The following DST variants were observed in gnomAD, a reference collection of about 807,000 sequenced individuals.
DST encodes the protein dystonin, also known as bullous pemphigoid antigen.
Under a neutral mutation model 875.2 loss-of-function variants are expected in DST, and 253 were observed. The observed-to-expected ratio is 0.29, with a 90% CI of 0.26 to 0.32. DST has a LOEUF of 0.32. Among genes scored for constraint, DST ranks in the 10% least tolerant of loss-of-function variants. The pLI is 1.00. For missense variants in DST, 8,287 were observed against 9,111.6 expected, an observed-to-expected ratio of 0.91 and a Z score of 3.68; for synonymous variants, 3,124 against 3,197.1, an observed-to-expected ratio of 0.98 and a Z score of 0.77.
chr6:56,711,799 T>C (rs748958070), intron 5 of DST, among the ~76,000 whole-genome samples: 2 of 151,962 alleles, frequency 1.3e-5, no homozygotes, highest in African/African-American at 2.4e-5. Context: ...CTTTTAAAAA[T>C]AGGAGGAGGT....
intron 2 of DST, among the ~76,000 whole-genome samples, chr6:56,951,726 AAACT>A (rs1822430698): frequency 6.6e-6 from 1 of 152,226 alleles, no homozygotes; most frequent in Non-Finnish European, 1.5e-5. Flanking sequence ...TCAACAAATT[AAACT>A]AATATTGCAT....
intron 10 of DST, among the ~76,000 whole-genome samples, chr6:56,661,879 C>A (rs543281812): frequency 6.6e-6 from 1 of 152,116 alleles, no homozygotes; most frequent in East Asian, 1.9e-4. Flanking sequence ...TGAGTCACCG[C>A]GCCCGGCCGA....
chr6:56,887,447 G>A (rs1785138376), intron 3 of DST, among the ~76,000 whole-genome samples: 2 of 152,130 alleles, frequency 1.3e-5, no homozygotes, highest in African/African-American at 4.8e-5. Context: ...TTAAAATAAA[G>A]GAAGCTATAC....
chr6:56,570,127 T>C (rs1180251590), intron 53 of DST, 115 bp from the exon 54 acceptor site: 2 of 733,888 alleles, frequency 2.7e-6, no homozygotes, highest in Non-Finnish European at 4.1e-6. Flanking sequence ...AACCCTTTGA[T>C]ACAGGAGGAA....
rs969622713 is a variant in DST at position 56,689,037 on chromosome 6, T to C, written c.1047+10616A>G. Among the ~76,000 whole-genome samples, 80 of 152,102 alleles carry C rather than the reference T, an allele frequency of 5.3e-4. 1 individual carries two copies. Among genetic ancestry groups the C allele is most frequent in the Non-Finnish European group, 1.6e-4 (11 of 68,012 alleles). ...GCCTGGCAGACAATTTTGGGTTAGA[T>C]CAAAGCTGTACCACTCATTGTTAAG... On this transcript the variant is annotated intron_variant, in intron 9 of 103. Coordinates refer to ENST00000680361, the MANE Select transcript of DST (RefSeq NM_001374736.1).
In DST at chr6:56,485,349, T is replaced by C; in HGVS notation, c.21170A>G (p.Asp7057Gly). 6.2e-7 allele frequency: 1 copy of C among 1,613,722 alleles called. No homozygotes were observed. Among genetic ancestry groups the C allele is most frequent in the Non-Finnish European group, 8.5e-7 (1 of 1,179,794 alleles). The change falls in exon 88 of 104, where the codon GAC becomes GGC. Residue 7057 changes from aspartate (D) to glycine (G), a missense_variant. Around this residue, in one of 10 missense-constraint regions of DST, gnomAD observed 1,292 missense variants for 1,552.7 expected, o/e 0.83. Coordinates refer to ENST00000680361, the MANE Select transcript of DST (RefSeq NM_001374736.1). Reference protein sequence around the residue: ...QLAEDQPVHGDIDLVMNLIDN... With the variant: ...QLAEDQPVHGGIDLVMNLIDN... ...GATCAGATTCATCACCAAATCAATGTCTCCATGAACAGGCTGGTCTTCTGC... is the reference window on the plus strand; with the variant it reads ...GATCAGATTCATCACCAAATCAATGCCTCCATGAACAGGCTGGTCTTCTGC...
In DST at chr6:56,871,679, G is replaced by A. The variant is rs1014005500; in HGVS notation, c.418-20075C>T. 5.4e-5 allele frequency: 38 copies of A among 705,936 alleles called. No individual in the cohort carries two copies. The Admixed American group carries it at 6.8e-4, about 13-fold the overall frequency. The allele number at this position is 705,936 out of a possible 1,614,324, so 43.7% of individuals were successfully genotyped here. A position where few individuals can be genotyped will look rare whatever the true frequency, so the allele number is the denominator to read the frequency against. On this transcript the variant is annotated intron_variant, in intron 3 of 103. Coordinates refer to ENST00000680361, the MANE Select transcript of DST (RefSeq NM_001374736.1). ...AAATTGTTCCTAAACCAGAAGAGGGGGTTGCCTAGAAGAAAAAGATATCCC... is the reference window on the plus strand; with the variant it reads ...AAATTGTTCCTAAACCAGAAGAGGGAGTTGCCTAGAAGAAAAAGATATCCC...
At chr6:56,801,747 ATTTTT>A (rs200681543) in intron 4 of DST, among the ~76,000 whole-genome samples, 1 of 132,378 alleles carries the variant, frequency 7.6e-6, no homozygotes, top group African/African-American at 2.8e-5. Flanking sequence ...TCACACAATA[ATTTTT>A]TTTTTTTTTT....
chr6:56,485,561 G>T, intron 87 of DST, 90 bp from the exon 88 acceptor site: 1 of 1,232,334 alleles, frequency 8.1e-7, no homozygotes, highest in Non-Finnish European at 1.1e-6. Context: ...AAGGTTGAGT[G>T]GTACTCAAGG....
intron 2 of DST, among the ~76,000 whole-genome samples, chr6:56,942,100 C>CT (rs1816906561): frequency 6.6e-6 from 1 of 152,074 alleles, no homozygotes; most frequent in African/African-American, 2.4e-5. Context: ...TACCATTTGC[C>CT]TTGATTATCT....
chr6:56,589,875 C>T (rs2098238428), intron 49 of DST, among the ~76,000 whole-genome samples: 5 of 152,022 alleles, frequency 3.3e-5, no homozygotes. Flanking sequence ...TTGGATGCCC[C>T]AAAAATTACA....
intron 4 of DST, among the ~76,000 whole-genome samples, chr6:56,795,170 G>A (rs1308018181): frequency 6.6e-6 from 1 of 151,952 alleles, no homozygotes; most frequent in Non-Finnish European, 1.5e-5. Context: ...GGAAGATACT[G>A]CATCCTTAAA....
chr6:56,815,804 AATTAT>A (rs894590912), intron 4 of DST, among the ~76,000 whole-genome samples: 3 of 21,376 alleles, frequency 1.4e-4, no homozygotes, highest in African/African-American at 3.9e-4. Context: ...AAACAATATC[AATTAT>A]ATTAAATGAA....
chr6:56,507,327 T>C (rs1009361113), intron 75 of DST, among the ~76,000 whole-genome samples: 38 of 152,280 alleles, frequency 2.5e-4, no homozygotes, highest in Admixed American at 2.0e-3. Context: ...CATTCATTCA[T>C]TCAACAAACA....
chr6:56,549,370 A>C (rs2097282078), intron 61 of DST, among the ~76,000 whole-genome samples: 1 of 152,236 alleles, frequency 6.6e-6, no homozygotes, highest in African/African-American at 2.4e-5. Context: ...TAGGAATTAT[A>C]ACTAGCTTTT....
rs762220017 is a variant in DST, at chr6:56,459,234, C to T, written c.23228G>A (p.Arg7743Gln). Residue 7743 changes from arginine to glutamine, a missense_variant, in exon 104 of 104, where the codon CGA becomes CAA. Around this residue, in one of 10 missense-constraint regions of DST, gnomAD observed 240 missense variants for 237.3 expected, o/e 1.01. Coordinates refer to ENST00000680361, the MANE Select transcript of DST (RefSeq NM_001374736.1). Reference protein sequence around the residue: ...SKKTPSRPGSRAGSKAGSRAS... With the variant: ...SKKTPSRPGSQAGSKAGSRAS... ...CCTGCTGCCAGCTTTGCTTCCAGCT[C>T]GACTTCCTGGTCGGCTGGGAGTCTT... The T allele has an allele frequency of 1.7e-5, 28 of 1,612,812 alleles. No homozygotes were observed. Among genetic ancestry groups the T allele is most frequent in the East Asian group, 1.6e-4 (7 of 44,874 alleles).
intron 36 of DST, chr6:56,615,937 A>C (rs761224128): frequency 6.2e-7 from 1 of 1,614,220 alleles, no homozygotes; most frequent in Non-Finnish European, 8.5e-7. Context: ...CAAACCCCTC[A>C]TCAACCAGGC....
chr6:56,494,285 T>G, intron 82 of DST, 105 bp from the exon 83 acceptor site: 1 of 1,093,526 alleles, frequency 9.1e-7, no homozygotes, highest in Non-Finnish European at 1.3e-6. Flanking sequence ...TATTCATCTC[T>G]GTTTGCTCTC....
chr6:56,940,235 CAT>C (rs58587907), intron 2 of DST, among the ~76,000 whole-genome samples: 13 of 126,172 alleles, frequency 1.0e-4, no homozygotes, highest in South Asian at 2.6e-4. Context: ...CACACACACA[CAT>C]ATATACATAT....
Sources: gnomAD v4.1 joint callset for allele counts (sites outside exome capture counted in the v4.1 genomes callset) on GRCh38, gnomAD v4.1.1 for gene constraint, gnomAD v4.1.1 regional missense constraint, MANE v1.5 for transcripts, NCBI Gene and HGNC (gene_info 2026-07-23, HGNC 2026-07-21) for gene names.